The following CBL variants were observed in gnomAD, a reference collection of about 807,000 sequenced individuals.
The protein encoded by CBL is E3 ubiquitin-protein ligase CBL.
A neutral mutation model predicts 96.9 loss-of-function variants in CBL; 45 were observed. The observed-to-expected ratio is 0.46, with a 90% confidence interval of 0.37 to 0.60. The LOEUF (loss-of-function observed/expected upper bound fraction) is 0.60, where lower values mean the gene tolerates loss of function less well. Among genes scored for constraint, CBL ranks in the 20% least tolerant of loss-of-function variants. CBL has a pLI of 0.00. For synonymous variants in CBL, 420 were observed against 426.8 expected (o/e 0.98, Z 0.20); for missense variants, 1,024 against 1,143.5 (o/e 0.90, Z 1.51).
chr11:119,256,681 A>G (rs2135284504), intron 2 of CBL, among the ~76,000 whole-genome samples: 1 of 144,154 alleles, frequency 6.9e-6, no homozygotes, highest in East Asian at 2.1e-4. Context: ...CCCAGTATGT[A>G]GTTTGTTTTT....
intron 1 of CBL, among the ~76,000 whole-genome samples, chr11:119,219,930 A>G (rs1027879106): frequency 6.0e-5 from 9 of 149,340 alleles, no homozygotes; most frequent in African/African-American, 2.2e-4. Flanking sequence ...GCTCACTGCA[A>G]CCTCCGCCTC....
chr11:119,242,026 G>A (rs1242412346), intron 2 of CBL, among the ~76,000 whole-genome samples: 1 of 152,186 alleles, frequency 6.6e-6, no homozygotes, highest in Non-Finnish European at 1.5e-5. Flanking sequence ...AGTATTGGCT[G>A]CTGTCTGGAA....
chr11:119,276,922 C>G (rs1357159137), intron 6 of CBL, among the ~76,000 whole-genome samples: 1 of 152,002 alleles, frequency 6.6e-6, no homozygotes, highest in African/African-American at 2.4e-5. Context: ...ACCTGTAAAC[C>G]TTCTTTGATC....
intron 2 of CBL, among the ~76,000 whole-genome samples, chr11:119,242,386 A>C (rs369183184): frequency 6.6e-6 from 1 of 151,986 alleles, no homozygotes; most frequent in South Asian, 2.1e-4. Flanking sequence ...TAAAAATACA[A>C]AATCAGCTGG....
chr11:119,293,144 G>A (rs999804214), intron 12 of CBL, among the ~76,000 whole-genome samples: 2 of 150,116 alleles, frequency 1.3e-5, no homozygotes, highest in Admixed American at 6.6e-5. Flanking sequence ...TCACTCTGTC[G>A]CCCAGGTTGG....
In CBL at chr11:119,299,882, G is replaced by A; in HGVS notation, c.*101G>A. On this transcript the variant is annotated 3_prime_UTR_variant, in exon 16 of 16. Coordinates refer to ENST00000264033, the MANE Select transcript of CBL (RefSeq NM_005188.4). ...GGAGTTCCTTTGGTGACTTCACAGT[G>A]AAGTCTTGCCCTCTCTGTGGGATAT... 1 of 1,153,880 alleles carries A rather than the reference G, an allele frequency of 8.7e-7. No homozygotes were observed. Among genetic ancestry groups the A allele is most frequent in the East Asian group, 2.3e-5 (1 of 42,860 alleles). The allele number at this position is 1,153,880 out of a possible 1,614,324, so 71.5% of individuals were successfully genotyped here.
intron 1 of CBL, 129 bp from the exon 2 acceptor site, chr11:119,232,319 C>A: frequency 9.8e-7 from 1 of 1,018,096 alleles, no homozygotes; most frequent in Non-Finnish European, 1.5e-6. Flanking sequence ...TATGGATCTG[C>A]TTCTTATATT....
rs544322678 is a variant in CBL at position 119,307,525 on chromosome 11, G to C, written c.*7744G>C. ...GCAGCTAGTGCCCTCTGCAGGGCCT[G>C]GTTTCCCCAGGGAAGGGCAGCAAGG... On this transcript the variant is annotated 3_prime_UTR_variant, in exon 16 of 16. Transcript: ENST00000264033. 4.3e-6 allele frequency: 1 copy of C among 232,028 alleles called. No individual in the cohort carries two copies. The highest frequency in any genetic ancestry group is 1.8e-4 in the South Asian group (1 of 5,514). 14.4% of individuals were successfully genotyped at this position (232,028 alleles called of 1,614,324 possible). A position where few individuals can be genotyped will look rare whatever the true frequency, so the allele number is the denominator to read the frequency against.
chr11:119,258,211 A>G (rs1276419071), intron 2 of CBL, among the ~76,000 whole-genome samples: 1 of 152,204 alleles, frequency 6.6e-6, no homozygotes, highest in Admixed American at 6.5e-5. Context: ...CTGGGCGACA[A>G]GTGAGACTAC....
intron 2 of CBL, among the ~76,000 whole-genome samples, chr11:119,245,591 T>C (rs1949620890): frequency 6.6e-6 from 1 of 151,664 alleles, no homozygotes; most frequent in Admixed American, 6.6e-5. Flanking sequence ...TACCCGGGCA[T>C]GGTGGTGGGT....
intron 2 of CBL, among the ~76,000 whole-genome samples, chr11:119,252,236 G>A (rs748265009): frequency 1.5e-4 from 23 of 151,700 alleles, no homozygotes; most frequent in Non-Finnish European, 3.2e-4. Context: ...CCAGTCTAGT[G>A]TCTAATATAT....
chr11:119,304,463 T>C lies in CBL; in HGVS notation c.*4682T>C. On this transcript the variant is annotated 3_prime_UTR_variant, in exon 16 of 16. Coordinates refer to ENST00000264033, the MANE Select transcript of CBL (RefSeq NM_005188.4). ...AACCCAGGACGGGAAGTGCCTTTGG[T>C]TCTTGGGTGGAGCTGGAACTGCAGA... The C allele has an allele frequency of 4.3e-6, 1 of 233,148 alleles. No individual in the cohort carries two copies. The highest frequency in any genetic ancestry group is 8.5e-6 in the Non-Finnish European group (1 of 118,012). The allele number at this position is 233,148 out of a possible 1,614,324, so 14.4% of individuals were successfully genotyped here. A position where few individuals can be genotyped will look rare whatever the true frequency, so the allele number is the denominator to read the frequency against.
rs2135304829 is a variant in CBL at position 119,278,667 on chromosome 11, G to A, written c.1385G>A (p.Arg462Gln). The change falls in exon 9 of 16, where the codon CGA (arginine) becomes CAA (glutamine). Residue 462 changes from arginine to glutamine, a missense_variant. Physicochemically the swap from Arg to Gln is conservative, Grantham distance 43. This residue lies in a region of CBL where 695 missense variants were observed against 661.6 expected (regional missense o/e 1.05). Coordinates refer to ENST00000264033, the MANE Select transcript of CBL (RefSeq NM_005188.4). The part of the protein sequence containing the change: ...SPNYDDDDDE[R>Q]ADDTLFMMKE... ...AATTATGATGATGATGATGATGAACGAGCTGATGATACTCTCTTCATGATG... is the reference window on the plus strand; with the variant it reads ...AATTATGATGATGATGATGATGAACAAGCTGATGATACTCTCTTCATGATG... The A allele has an allele frequency of 2.5e-6, 4 of 1,613,922 alleles. No individual in the cohort carries two copies. Among genetic ancestry groups the A allele is most frequent in the Middle Eastern group, 1.7e-4 (1 of 6,058 alleles).
chr11:119,303,721 T>C lies in CBL; in HGVS notation c.*3940T>C. 1 of 233,724 alleles carries C rather than the reference T, an allele frequency of 4.3e-6. No individual in the cohort carries two copies. The highest frequency in any genetic ancestry group is 2.2e-5 in the African/African-American group (1 of 45,466). 14.5% of individuals were successfully genotyped at this position (233,724 alleles called of 1,614,324 possible). A position where few individuals can be genotyped will look rare whatever the true frequency, so the allele number is the denominator to read the frequency against. On this transcript the variant is annotated 3_prime_UTR_variant, in exon 16 of 16. Coordinates refer to ENST00000264033, the MANE Select transcript of CBL (RefSeq NM_005188.4). ...ATGTTGGAATTTGTTCCAACATAATTAGAATCTGTTTGGTGAGTTGAAAGG... is the reference window on the plus strand; with the variant it reads ...ATGTTGGAATTTGTTCCAACATAATCAGAATCTGTTTGGTGAGTTGAAAGG...
In CBL at chr11:119,301,851, G is replaced by A. The variant is rs975900065; in HGVS notation, c.*2070G>A. 1.2e-4 allele frequency: 29 copies of A among 232,806 alleles called. No homozygotes were observed. The East Asian group carries it at 1.4e-3, about 12-fold the overall frequency. 14.4% of individuals were successfully genotyped at this position (232,806 alleles called of 1,614,324 possible). ...ACACACTGTTTCATTTTGAGGTAAC[G>A]TTCAGTTTTGCATTTTGTTTAAATA... is the stretch of plus-strand genomic sequence containing the variant. On this transcript the variant is annotated 3_prime_UTR_variant, in exon 16 of 16. Coordinates refer to ENST00000264033, the MANE Select transcript of CBL (RefSeq NM_005188.4).
At chr11:119,242,616 A>G (rs1312344526) in intron 2 of CBL, among the ~76,000 whole-genome samples, 1 of 151,404 alleles carries the variant, frequency 6.6e-6, no homozygotes, top group Non-Finnish European at 1.5e-5. Flanking sequence ...TTAAAAAAGA[A>G]AAATTGGCTG....
intron 1 of CBL, among the ~76,000 whole-genome samples, chr11:119,217,150 T>G (rs1321943133): frequency 6.6e-6 from 1 of 152,084 alleles, no homozygotes; most frequent in Non-Finnish European, 1.5e-5. Flanking sequence ...ACAGTTTCAC[T>G]CTTGTTGCCC....
In CBL at chr11:119,253,216, ATTAT is replaced by A. The variant is rs1592387542; in HGVS notation, c.444-18516_444-18513del. Reference sequence around the variant, plus strand: ...ACATTGTACCCCATGAATATAGACAATTATTTGTCATTTGAAAAAAAAATTTTTT... The same window carrying A: ...ACATTGTACCCCATGAATATAGACAATTGTCATTTGAAAAAAAAATTTTTT... On this transcript the variant is annotated intron_variant, in intron 2 of 15. Coordinates refer to ENST00000264033, the MANE Select transcript of CBL (RefSeq NM_005188.4). Among the ~76,000 whole-genome samples the A allele has an allele frequency of 2.0e-5, 3 of 152,086 alleles. No homozygotes were observed. The East Asian group carries it at 5.8e-4, about 29-fold the overall frequency.
At chr11:119,244,010 T>G (rs758655429) in intron 2 of CBL, among the ~76,000 whole-genome samples, 6 of 152,164 alleles carry the variant, frequency 3.9e-5, no homozygotes, top group Non-Finnish European at 7.3e-5. Context: ...ATTACAGGTA[T>G]GAGCCACTAC....
Sources: gnomAD v4.1 joint callset for allele counts (sites outside exome capture counted in the v4.1 genomes callset) on GRCh38, gnomAD v4.1.1 for gene constraint, gnomAD v4.1.1 regional missense constraint, MANE v1.5 for transcripts, NCBI Gene and HGNC (gene_info 2026-07-23, HGNC 2026-07-21) for gene names.